TXNRD2: variants seen among roughly 807,000 people sequenced by gnomAD.
TXNRD2 encodes thioredoxin reductase 2.
In TXNRD2, 67 loss-of-function variants were observed where a neutral mutation model predicts 70.8. That is an observed-to-expected ratio of 0.95 (90% CI 0.78 to 1.16). The LOEUF (loss-of-function observed/expected upper bound fraction) is 1.16, where lower values mean the gene tolerates loss of function less well. Ranked by LOEUF, TXNRD2 falls within the 50% of genes most tolerant of loss-of-function variation. The pLI is 0.00. For missense variants in TXNRD2, 644 were observed against 719.9 expected (o/e 0.89, Z 1.21); for synonymous variants, 301 against 295.8 (o/e 1.02, Z -0.18).
rs529470860 is a variant in TXNRD2 at position 19,932,029 on chromosome 22, T to C, written c.104-931A>G. On this transcript the variant is annotated intron_variant, in intron 1 of 17. Coordinates refer to ENST00000400521, the MANE Select transcript of TXNRD2 (RefSeq NM_006440.5). The stretch of plus-strand genomic sequence containing the variant: ...CAAAAAAATTAGCCGGGCATGGTGG[T>C]GGGCGCCTGTAGTCCCAGCTACTCG... Among the ~76,000 whole-genome samples the C allele has an allele frequency of 1.4e-3, 206 of 151,220 alleles. 1 individual carries two copies. The highest frequency in any genetic ancestry group is 4.3e-3 in the African/African-American group (178 of 41,216).
Position 19,941,658 on chromosome 22 carries a change from C to A in TXNRD2, c.103+43G>T, listed in dbSNP as rs762906080. ...GGACACCCTCACGAGGACACCCCGG[C>A]CGCGCGGACACCTACCGCGGGGACG... On this transcript the variant is annotated intron_variant, in intron 1 of 17. Coordinates refer to ENST00000400521, the MANE Select transcript of TXNRD2 (RefSeq NM_006440.5). 6.3e-6 allele frequency: 9 copies of A among 1,428,104 alleles called. No homozygotes were observed. In the South Asian group the frequency reaches 1.2e-4, roughly 18 times the overall value. 88.5% of individuals were successfully genotyped at this position (1,428,104 alleles called of 1,614,324 possible). A position where few individuals can be genotyped will look rare whatever the true frequency, so the allele number is the denominator to read the frequency against.
rs1601440493 is a variant in TXNRD2 at position 19,911,106 on chromosome 22, A to G, written c.662+271T>C. ...AAAGCCAAAAAAAAAACCAAAACAG[A>G]TTTTTGTAGAGTAGAGGTCTCACTA... On this transcript the variant is annotated intron_variant, in intron 8 of 17. Transcript: ENST00000400521. 10 of 509,654 alleles carry G rather than the reference A, an allele frequency of 2.0e-5. No homozygotes were observed. In the East Asian group the frequency reaches 3.3e-4, roughly 17 times the overall value. The allele number at this position is 509,654 out of a possible 1,614,324, so 31.6% of individuals were successfully genotyped here.
chr22:19,895,452 C>G lies in TXNRD2; in HGVS notation c.904G>C (p.Gly302Arg), dbSNP rs781228620. 1.2e-6 allele frequency: 2 copies of G among 1,613,956 alleles called. No individual in the cohort carries two copies. The highest frequency in any genetic ancestry group is 1.7e-5 in the Admixed American group (1 of 60,024). Residue 302 changes from glycine to arginine, a missense_variant, in exon 11 of 18, where the codon GGC becomes CGC. Gly to Arg is a moderately radical substitution (Grantham distance 125). Coordinates refer to ENST00000400521, the MANE Select transcript of TXNRD2 (RefSeq NM_006440.5). ...TCAAAGGTGCCCGTGTCCTCCTTGC[C>G]GGTGGTGCTGTCCTCCCAGGTGACC... ...LQVTWEDSTTGKEDTGTFDTV... is the reference protein window; with the variant it reads ...LQVTWEDSTTRKEDTGTFDTV...
At chr22:19,933,618 C>T in intron 1 of TXNRD2, 9 of 679,220 alleles carry the variant, frequency 1.3e-5, no homozygotes, top group Non-Finnish European at 1.9e-5. Context: ...CCCTCTCGGG[C>T]TGATAAACAC....
chr22:19,907,733 A>G (rs867563824), intron 8 of TXNRD2, among the ~76,000 whole-genome samples: 218 of 14,802 alleles, frequency 0.015, 2 homozygotes, highest in Admixed American at 0.028. Flanking sequence ...TGGGCGCACC[A>G]TGGGTAGCAG....
At chr22:19,880,083 A>G (rs1938693619) in intron 14 of TXNRD2, 96 bp downstream of exon 14, 1 of 1,292,856 alleles carries the variant, frequency 7.7e-7, no homozygotes, top group African/African-American at 1.5e-5. Context: ...TGGAAAGGAG[A>G]GACCTTGGCA....
chr22:19,910,013 G>A lies in TXNRD2; in HGVS notation c.662+1364C>T, dbSNP rs1940335532. On this transcript the variant is annotated intron_variant, in intron 8 of 17. Transcript: ENST00000400521. ...ACACACACACCACACACATCTGCAC[G>A]CACACCATGCACATTCGGGCACACA... 2.3e-5 allele frequency among the ~76,000 whole-genome samples: 3 copies of A among 131,002 alleles called. No individual in the cohort carries two copies. The Admixed American group carries it at 2.4e-4, about 10-fold the overall frequency. 85.9% of individuals were successfully genotyped at this position (131,002 alleles called of 152,430 possible).
intron 2 of TXNRD2, among the ~76,000 whole-genome samples, chr22:19,923,325 AG>A (rs1465237452): frequency 6.6e-6 from 1 of 152,158 alleles, no homozygotes; most frequent in African/African-American, 2.4e-5. Context: ...AGGATAGTTT[AG>A]GTCACTTCTC....
Position 19,941,738 on chromosome 22 carries a change from C to T in TXNRD2, c.66G>A (p.Val22=), listed in dbSNP as rs1275451430. The T allele has an allele frequency of 2.0e-6, 3 of 1,494,106 alleles. No individual in the cohort carries two copies. The highest frequency in any genetic ancestry group is 2.9e-5 in the African/African-American group (2 of 68,700). 92.6% of individuals were successfully genotyped at this position (1,494,106 alleles called of 1,614,324 possible). ...GCGCCGCGCCCCGCACCCCGCCCGC[C>T]ACGGCCTGCGTCCGCCACCGGAAGC... ...GGRFRWRTQA[V]AGGVRGAARG... Residue 22 remains valine (V), a synonymous_variant, in exon 1 of 18, where the codon GTG becomes GTA. Coordinates refer to ENST00000400521, the MANE Select transcript of TXNRD2 (RefSeq NM_006440.5).
rs564426436 is a variant in TXNRD2, at chr22:19,929,056, G to A, written c.172+1974C>T. 1.1e-4 allele frequency among the ~76,000 whole-genome samples: 17 copies of A among 150,996 alleles called. No individual in the cohort carries two copies. In the East Asian group the frequency reaches 1.4e-3, roughly 12 times the overall value. On this transcript the variant is annotated intron_variant, in intron 2 of 17. Coordinates refer to ENST00000400521, the MANE Select transcript of TXNRD2 (RefSeq NM_006440.5). ...TAAAATGAGGCCATAGGCCGGGCGC[G>A]GTGGCTCACGCCTGTAATCCCAGCA... is the stretch of plus-strand genomic sequence containing the variant.
Position 19,883,322 on chromosome 22 carries a change from T to G in TXNRD2, c.1086+3A>C. On this transcript the variant is annotated splice_donor_region_variant and intron_variant, in intron 12 of 17. Coordinates refer to ENST00000400521, the MANE Select transcript of TXNRD2 (RefSeq NM_006440.5). Reference sequence around the variant, plus strand: ...GGCCCTGGTCCCGGGACGCATGCCGTACCTCCACCACGTCACCAATGGCGT... The same window carrying G: ...GGCCCTGGTCCCGGGACGCATGCCGGACCTCCACCACGTCACCAATGGCGT... The G allele has an allele frequency of 6.2e-7, 1 of 1,613,262 alleles. No individual in the cohort carries two copies. Among genetic ancestry groups the G allele is most frequent in the Non-Finnish European group, 8.5e-7 (1 of 1,179,774 alleles).
chr22:19,892,855 C>T (rs1939328036), intron 11 of TXNRD2, among the ~76,000 whole-genome samples: 2 of 152,198 alleles, frequency 1.3e-5, no homozygotes, highest in South Asian at 2.1e-4. Context: ...ACCATCAGTA[C>T]ACTCCAGAGT....
At chr22:19,935,232 G>C (rs958531359) in intron 1 of TXNRD2, among the ~76,000 whole-genome samples, 2 of 152,116 alleles carry the variant, frequency 1.3e-5, no homozygotes, top group African/African-American at 4.8e-5. Context: ...CATTCCTGGG[G>C]GGAGGTCTGT....
intron 8 of TXNRD2, among the ~76,000 whole-genome samples, chr22:19,904,392 T>C (rs964352043): frequency 2.6e-5 from 4 of 152,124 alleles, no homozygotes; most frequent in Non-Finnish European, 4.4e-5. Context: ...TTGGACACGA[T>C]CCCCCTGCCT....
chr22:19,899,292 G>A (rs553935320), intron 8 of TXNRD2, among the ~76,000 whole-genome samples: 58 of 152,360 alleles, frequency 3.8e-4, no homozygotes, highest in African/African-American at 8.7e-4. Flanking sequence ...GGGCGTGTGT[G>A]TCAGTGACAA....
intron 13 of TXNRD2, 26 bp from the exon 14 acceptor site, chr22:19,880,297 G>C (rs757291842): frequency 4.3e-6 from 7 of 1,609,584 alleles, no homozygotes; most frequent in Admixed American, 1.7e-5. Context: ...GAGTCAGGGA[G>C]GGCCCTTGGG....
rs76268693 is a variant in TXNRD2, at chr22:19,933,407, C to T, written c.104-2309G>A. ...CTCTCTCCTCCAGCTGCCTGGTAGC[C>T]GGAAGCTTTGCTCAGAACGTCCCTA... On this transcript the variant is annotated intron_variant, in intron 1 of 17. Transcript: ENST00000400521. 101 of 1,275,614 alleles carry T rather than the reference C, an allele frequency of 7.9e-5. 1 individual carries two copies. Among genetic ancestry groups the T allele is most frequent in the East Asian group, 1.1e-4 (2 of 17,914 alleles). The allele number at this position is 1,275,614 out of a possible 1,614,324, so 79.0% of individuals were successfully genotyped here. A position where few individuals can be genotyped will look rare whatever the true frequency, so the allele number is the denominator to read the frequency against.
chr22:19,895,322 T>C (rs1939451988), intron 11 of TXNRD2, 85 bp downstream of exon 11: 2 of 1,603,474 alleles, frequency 1.2e-6, no homozygotes, highest in African/African-American at 1.3e-5. Context: ...GGGGGAGCCC[T>C]GGGAGGTGAC....
At chr22:19,918,813 C>A in intron 4 of TXNRD2, 47 bp downstream of exon 4, 1 of 1,599,468 alleles carries the variant, frequency 6.3e-7, no homozygotes, top group Middle Eastern at 1.8e-4. Flanking sequence ...CTCTTCCACC[C>A]AAGAGTAGAA....
Sources: gnomAD v4.1 joint callset for allele counts (sites outside exome capture counted in the v4.1 genomes callset) on GRCh38, gnomAD v4.1.1 for gene constraint, MANE v1.5 for transcripts, NCBI Gene and HGNC (gene_info 2026-07-23, HGNC 2026-07-21) for gene names.